The following HELZ variants were observed in gnomAD, a reference collection of about 807,000 sequenced individuals.
HELZ encodes ATP-dependent RNA helicase with zinc finger domain.
A neutral mutation model predicts 218.2 loss-of-function variants in HELZ; 23 were observed. That is an observed-to-expected ratio of 0.11 (90% CI 0.08 to 0.15). The LOEUF (loss-of-function observed/expected upper bound fraction) is 0.15, where lower values mean the gene tolerates loss of function less well. HELZ is among the 10% of genes least tolerant of loss of function. The pLI is 1.00. For missense variants in HELZ, 1,813 were observed against 2,353.7 expected (o/e 0.77, Z 4.75); for synonymous variants, 814 against 829.4 (o/e 0.98, Z 0.32).
intron 32 of HELZ, among the ~76,000 whole-genome samples, chr17:67,081,357 A>G (rs1238171788): frequency 1.3e-5 from 2 of 152,202 alleles, no homozygotes; most frequent in Admixed American, 6.5e-5. Flanking sequence ...GAGGACAAGA[A>G]TGGGAAGCAT....
At chr17:67,156,021 ATATAT>A (rs1396165139) in intron 17 of HELZ, among the ~76,000 whole-genome samples, 2 of 148,362 alleles carry the variant, frequency 1.3e-5, no homozygotes, top group African/African-American at 4.9e-5. Context: ...CATAATTTTT[ATATAT>A]TATATTTATA....
In HELZ at chr17:67,080,212, T is replaced by C. The variant is rs536370128; in HGVS notation, c.5495-1626A>G. On this transcript the variant is annotated intron_variant, in intron 32 of 32. Transcript: ENST00000358691. ...CCTTGAATGGTTAATTAATCATTTA[T>C]TGAATAATCCATCCCTTCTATACTG... 7.9e-5 allele frequency among the ~76,000 whole-genome samples: 12 copies of C among 152,360 alleles called. No homozygotes were observed. In the East Asian group the frequency reaches 2.3e-3, roughly 29 times the overall value.
At chr17:67,155,415 G>C (rs761664064) in intron 17 of HELZ, among the ~76,000 whole-genome samples, 3 of 151,866 alleles carry the variant, frequency 2.0e-5, no homozygotes, top group Non-Finnish European at 4.4e-5. Flanking sequence ...GGTTACTTAG[G>C]GTGTAAAGAC....
At chr17:67,244,684 C>T in intron 1 of HELZ, 1 of 982,668 alleles carries the variant, frequency 1.0e-6, no homozygotes, top group Non-Finnish European at 1.2e-6. Context: ...CCGCTCCAGC[C>T]CCCACCCCAC....
chr17:67,191,651 C>T (rs1174712353), intron 9 of HELZ, among the ~76,000 whole-genome samples: 1 of 151,374 alleles, frequency 6.6e-6, no homozygotes, highest in Non-Finnish European at 1.5e-5. Context: ...GATGGGGTTG[C>T]ATGTTGGCCA....
intron 17 of HELZ, among the ~76,000 whole-genome samples, chr17:67,157,811 C>T (rs1462824252): frequency 6.6e-6 from 1 of 152,046 alleles, no homozygotes; most frequent in Non-Finnish European, 1.5e-5. Context: ...GAAGAATATG[C>T]TTCTTTGAAG....
chr17:67,205,903 A>T (rs1430577288), intron 5 of HELZ, among the ~76,000 whole-genome samples: 1 of 152,230 alleles, frequency 6.6e-6, no homozygotes, highest in Non-Finnish European at 1.5e-5. Flanking sequence ...CCTTAAATGA[A>T]ATTCAATTTA....
chr17:67,118,061 A>G (rs547235561), intron 27 of HELZ, among the ~76,000 whole-genome samples: 2 of 152,336 alleles, frequency 1.3e-5, no homozygotes, highest in African/African-American at 4.8e-5. Context: ...ATAGAAATGC[A>G]AAAGACCTGG....
chr17:67,160,044 A>G (rs2144106401), intron 17 of HELZ, among the ~76,000 whole-genome samples: 1 of 152,304 alleles, frequency 6.6e-6, no homozygotes, highest in South Asian at 2.1e-4. Context: ...CAAAACTTAA[A>G]AAAGGATGTC....
chr17:67,191,284 A>G (rs2039888582), intron 9 of HELZ, among the ~76,000 whole-genome samples: 1 of 152,162 alleles, frequency 6.6e-6, no homozygotes, highest in Non-Finnish European at 1.5e-5. Flanking sequence ...TTAGAATCAA[A>G]GTTTTATATT....
chr17:67,138,036 T>C lies in HELZ; in HGVS notation c.2848A>G (p.Ile950Val), dbSNP rs762498894. The C allele has an allele frequency of 6.2e-7, 1 of 1,613,888 alleles. No individual in the cohort carries two copies. Among genetic ancestry groups the C allele is most frequent in the South Asian group, 1.1e-5 (1 of 91,054 alleles). Residue 950 changes from isoleucine to valine, a missense_variant, in exon 22 of 33, where the codon ATT (isoleucine) becomes GTT (valine). By Grantham distance (29) the Ile-to-Val change is conservative. Coordinates refer to ENST00000358691, the MANE Select transcript of HELZ (RefSeq NM_014877.4). ...TCAGCATATGGAGTCACCACACCAA[T>C]ACTGCCATCATCTAACTTCCCCCAC... ...VAWGKLDDGS[I>V]GVVTPYADQV...
intron 5 of HELZ, among the ~76,000 whole-genome samples, chr17:67,205,620 G>C (rs1319075804): frequency 6.6e-6 from 1 of 152,146 alleles, no homozygotes; most frequent in African/African-American, 2.4e-5. Flanking sequence ...TAGTTGTCAA[G>C]AGCTGAAAAA....
chr17:67,183,560 C>G (rs919117023), intron 12 of HELZ, among the ~76,000 whole-genome samples: 1 of 152,138 alleles, frequency 6.6e-6, no homozygotes, highest in African/African-American at 2.4e-5. Flanking sequence ...TAGACTCAAA[C>G]TAGAGAAATA....
rs574206773 is a variant in HELZ at position 67,220,776 on chromosome 17, G to A, written c.-18-1954C>T. 3.3e-3 allele frequency among the ~76,000 whole-genome samples: 501 copies of A among 151,486 alleles called. 1 individual carries two copies. The highest frequency in any genetic ancestry group is 5.2e-3 in the Non-Finnish European group (355 of 67,956). On this transcript the variant is annotated intron_variant, in intron 3 of 32. Coordinates refer to ENST00000358691, the MANE Select transcript of HELZ (RefSeq NM_014877.4). Reference sequence around the variant, plus strand: ...CAAAGTGCTAGGATTACAGGTGTGAGCCACTGCACCAAGCCTAAACTAACA... The same window carrying A: ...CAAAGTGCTAGGATTACAGGTGTGAACCACTGCACCAAGCCTAAACTAACA...
rs778415433 is a variant in HELZ at position 67,114,355 on chromosome 17, G to A, written c.3887C>T (p.Thr1296Ile). 8.1e-6 allele frequency: 13 copies of A among 1,611,084 alleles called. No homozygotes were observed. The highest frequency in any genetic ancestry group is 1.1e-5 in the Non-Finnish European group (13 of 1,177,516). ...TGGTTCTGTTGGCTTTTTCTCTGGT[G>A]TTCGAATCTTATTAATTTCAGGTCC... ...NSGPEINKIRTPEKKPTEPKQ... is the reference protein window; with the variant it reads ...NSGPEINKIRIPEKKPTEPKQ... The change falls in exon 28 of 33, where the codon ACA becomes ATA. Residue 1296 changes from threonine (T) to isoleucine (I), a missense_variant. Thr to Ile is a moderately conservative substitution (Grantham distance 89). This residue lies in a region of HELZ where 938 missense variants were observed against 1,027.5 expected (regional missense o/e 0.91). Coordinates refer to ENST00000358691, the MANE Select transcript of HELZ (RefSeq NM_014877.4).
intron 12 of HELZ, among the ~76,000 whole-genome samples, chr17:67,185,716 T>C (rs986771022): frequency 1.3e-5 from 2 of 152,234 alleles, no homozygotes; most frequent in Non-Finnish European, 2.9e-5. Context: ...TGAAATCATT[T>C]TAATGTTTCC....
chr17:67,110,851 C>T (rs771944212), intron 28 of HELZ, among the ~76,000 whole-genome samples: 1 of 152,142 alleles, frequency 6.6e-6, no homozygotes, highest in Non-Finnish European at 1.5e-5. Context: ...GTTGCTGACC[C>T]CTGGCCTAGA....
chr17:67,153,283 G>A (rs1482859450), intron 17 of HELZ, among the ~76,000 whole-genome samples: 1 of 152,154 alleles, frequency 6.6e-6, no homozygotes, highest in Non-Finnish European at 1.5e-5. Flanking sequence ...GAAAGGATGA[G>A]AGCTCGTTCA....
intron 18 of HELZ, among the ~76,000 whole-genome samples, chr17:67,150,833 T>C (rs1237567915): frequency 6.6e-6 from 1 of 152,220 alleles, no homozygotes; most frequent in Non-Finnish European, 1.5e-5. Context: ...TTGTGGACCA[T>C]ATAATGAATC....
Sources: allele counts gnomAD v4.1 joint callset (sites outside exome capture counted in the v4.1 genomes callset), GRCh38; gene constraint gnomAD v4.1.1; regional missense constraint gnomAD v4.1.1; transcripts MANE v1.5; gene names NCBI Gene and HGNC (gene_info 2026-07-23, HGNC 2026-07-21).